The following KDM4A variants were observed in gnomAD, a reference collection of about 807,000 sequenced individuals.
KDM4A encodes lysine-specific demethylase 4A.
Under a neutral mutation model 127.1 loss-of-function variants are expected in KDM4A, and 23 were observed. The ratio of observed to expected loss-of-function variants is 0.18; its 90% confidence interval spans 0.13 to 0.26. The LOEUF is 0.26. KDM4A is among the 10% of genes least tolerant of loss of function. KDM4A has a pLI of 1.00. For synonymous variants in KDM4A, 443 were observed against 466.5 expected (o/e 0.95, Z 0.65); for missense variants, 890 against 1,329.1 (o/e 0.67, Z 5.14).
chr1:43,672,492 T>G (rs969448780), intron 11 of KDM4A, among the ~76,000 whole-genome samples: 4 of 138,342 alleles, frequency 2.9e-5, no homozygotes, highest in African/African-American at 8.2e-5. Flanking sequence ...TGGCCTTTTG[T>G]TTTTTTTTCT....
intron 11 of KDM4A, among the ~76,000 whole-genome samples, chr1:43,674,314 C>CAGAGTCA (rs1408089637): frequency 1.3e-5 from 2 of 152,120 alleles, no homozygotes; most frequent in Admixed American, 1.3e-4. Flanking sequence ...AATCTTATTA[C>CAGAGTCA]AGAGTCAAGT....
intron 6 of KDM4A, 153 bp from the exon 7 acceptor site, chr1:43,666,299 T>G: frequency 1.6e-6 from 1 of 627,248 alleles, no homozygotes; most frequent in Non-Finnish European, 2.8e-6. Flanking sequence ...TGCAGAATCT[T>G]AGAATTGGTG....
chr1:43,698,128 A>G (rs1194822429), intron 19 of KDM4A, 115 bp downstream of exon 19: 1 of 936,618 alleles, frequency 1.1e-6, no homozygotes, highest in Non-Finnish European at 1.6e-6. Flanking sequence ...TGGTCCCATC[A>G]CCATGTCCTC....
intron 13 of KDM4A, 26 bp downstream of exon 13, chr1:43,689,121 T>C: frequency 1.2e-6 from 2 of 1,607,416 alleles, no homozygotes; most frequent in South Asian, 2.2e-5. Context: ...GCACTCTGTT[T>C]ACCCAGGACC....
At chr1:43,662,726 G>C (rs573571079) in intron 4 of KDM4A, among the ~76,000 whole-genome samples, 168 bp from the exon 5 acceptor site, 1 of 152,244 alleles carries the variant, frequency 6.6e-6, no homozygotes, top group Non-Finnish European at 1.5e-5. Context: ...AGTGGTAGCC[G>C]TGAAAGTCAA....
At chr1:43,687,935 T>C (rs544703525) in intron 12 of KDM4A, among the ~76,000 whole-genome samples, 1 of 152,208 alleles carries the variant, frequency 6.6e-6, no homozygotes, top group Admixed American at 6.5e-5. Flanking sequence ...GGAGACACCA[T>C]CTGTCATGAC....
At position 43,688,349 on chromosome 1, in the gene KDM4A, G is replaced by A. The variant is rs981147456; in HGVS notation, c.1856-565G>A. Among the ~76,000 whole-genome samples the A allele has an allele frequency of 6.6e-6, 1 of 152,222 alleles. No homozygotes were observed. The highest frequency in any genetic ancestry group is 2.4e-5 in the African/African-American group (1 of 41,454). ...ATCTTGGACATGTAGCTCTGCTCTAGGAGGGGTTGGGGAGCCTTGTCCAGA... is the reference window on the plus strand; with the variant it reads ...ATCTTGGACATGTAGCTCTGCTCTAAGAGGGGTTGGGGAGCCTTGTCCAGA... On this transcript the variant is annotated intron_variant, in intron 12 of 21. Coordinates refer to ENST00000372396, the MANE Select transcript of KDM4A (RefSeq NM_014663.3). This position sits in a 1 kb window ranked among gnomAD's most constrained non-coding sequence, Gnocchi z 4.4.
intron 11 of KDM4A, 112 bp from the exon 12 acceptor site, chr1:43,683,572 G>A (rs1398170041): frequency 2.4e-6 from 3 of 1,257,782 alleles, no homozygotes; most frequent in African/African-American, 1.5e-5. Flanking sequence ...GGTATTATAT[G>A]TCTTTTTGTT....
At chr1:43,670,698 G>C (rs1017134338) in intron 10 of KDM4A, among the ~76,000 whole-genome samples, 2 of 151,852 alleles carry the variant, frequency 1.3e-5, no homozygotes, top group African/African-American at 4.8e-5. Flanking sequence ...CAAGTAGCTG[G>C]GACTACAGAT....
chr1:43,697,290 C>G (rs1282874451), intron 18 of KDM4A, among the ~76,000 whole-genome samples: 9 of 152,228 alleles, frequency 5.9e-5, no homozygotes, highest in Non-Finnish European at 1.3e-4. Flanking sequence ...GCATCAAGGG[C>G]AAGTTCAGAA....
At chr1:43,701,736 C>T (rs1661401065) in intron 19 of KDM4A, among the ~76,000 whole-genome samples, 1 of 152,198 alleles carries the variant, frequency 6.6e-6, no homozygotes, top group South Asian at 2.1e-4. Context: ...GATCCTCCTA[C>T]CTCTGCCTCC....
intron 1 of KDM4A, among the ~76,000 whole-genome samples, chr1:43,651,283 C>T (rs1225353192): frequency 2.0e-5 from 3 of 152,130 alleles, no homozygotes; most frequent in East Asian, 3.8e-4. Context: ...AGGACTTAGT[C>T]CAGGTGGAGA....
chr1:43,655,939 T>G (rs1293913796), intron 3 of KDM4A, among the ~76,000 whole-genome samples, 173 bp downstream of exon 3: 1 of 152,196 alleles, frequency 6.6e-6, no homozygotes, highest in Non-Finnish European at 1.5e-5. Context: ...CTCTCAGGAC[T>G]GTGTCCCAGT....
rs1005738368 is a variant in KDM4A, at chr1:43,688,565, T to C, written c.1856-349T>C. ...TGGAGGCAGCAAATAAGATGGTTTT[T>C]GGCAAGATGGTGCTTCATTCTGCTG... On this transcript the variant is annotated intron_variant, in intron 12 of 21. Coordinates refer to ENST00000372396, the MANE Select transcript of KDM4A (RefSeq NM_014663.3). This position sits in a 1 kb window ranked among gnomAD's most constrained non-coding sequence, Gnocchi z 4.4. Among the ~76,000 whole-genome samples, 5 of 152,324 alleles carry C rather than the reference T, an allele frequency of 3.3e-5. No individual in the cohort carries two copies. Among genetic ancestry groups the C allele is most frequent in the Admixed American group, 6.5e-5 (1 of 15,304 alleles).
At chr1:43,672,563 T>G (rs1660646865) in intron 11 of KDM4A, among the ~76,000 whole-genome samples, 1 of 151,700 alleles carries the variant, frequency 6.6e-6, no homozygotes, top group Non-Finnish European at 1.5e-5. Context: ...GGCACGATCT[T>G]GGCTCACTGC....
At chr1:43,695,244 C>T (rs753650234) in intron 18 of KDM4A, among the ~76,000 whole-genome samples, 1 of 152,180 alleles carries the variant, frequency 6.6e-6, no homozygotes, top group Non-Finnish European at 1.5e-5. Flanking sequence ...ATGTTGAGAA[C>T]AAATGGGGAG....
In KDM4A at chr1:43,666,959, T is replaced by C; in HGVS notation, c.783T>C (p.Thr261=). Reference sequence around the variant, plus strand: ...TCAAGTCTGCTCTTGTTCAGGTGACTCAAGAGGCTGGAGAGTTTATGATCA... The same window carrying C: ...TCAAGTCTGCTCTTGTTCAGGTGACCCAAGAGGCTGGAGAGTTTATGATCA... ...KKYGIPFDKV[T]QEAGEFMITF... The change falls in exon 8 of 22, where the codon ACT becomes ACC. Residue 261 remains threonine, a synonymous_variant. Coordinates refer to ENST00000372396, the MANE Select transcript of KDM4A (RefSeq NM_014663.3). 6.2e-7 allele frequency: 1 copy of C among 1,613,950 alleles called. No individual in the cohort carries two copies. The highest frequency in any genetic ancestry group is 1.7e-5 in the Admixed American group (1 of 59,996).
intron 2 of KDM4A, among the ~76,000 whole-genome samples, chr1:43,655,389 T>C (rs1557902029): frequency 6.6e-6 from 1 of 152,254 alleles, no homozygotes; most frequent in Non-Finnish European, 1.5e-5. Flanking sequence ...CTTAGGTTGC[T>C]GCAATTAGGC....
chr1:43,661,441 T>C (rs377418944), intron 4 of KDM4A, among the ~76,000 whole-genome samples: 1 of 150,592 alleles, frequency 6.6e-6, no homozygotes, highest in Non-Finnish European at 1.5e-5. Flanking sequence ...ACCCCGTCTC[T>C]ACTAAAAATA....
Sources: allele counts gnomAD v4.1 joint callset (sites outside exome capture counted in the v4.1 genomes callset), GRCh38; gene constraint gnomAD v4.1.1; non-coding constraint Gnocchi (gnomAD v3.1); transcripts MANE v1.5; gene names NCBI Gene and HGNC (gene_info 2026-07-23, HGNC 2026-07-21).